PPME1: variants seen among roughly 807,000 people sequenced by gnomAD.
The protein encoded by PPME1 is protein phosphatase methylesterase 1.
PPME1 carries 17 observed loss-of-function variants against 56.9 expected under a neutral mutation model. That is an observed-to-expected ratio of 0.30 (90% CI 0.20 to 0.45). The LOEUF is 0.45. PPME1 is among the 20% of genes least tolerant of loss of function. The pLI is 1.00. For missense variants in PPME1, 357 were observed against 483.2 expected (o/e 0.74, Z 2.45); for synonymous variants, 122 against 156.2 (o/e 0.78, Z 1.63).
At chr11:74,188,854 A>G (rs571554832) in intron 1 of PPME1, among the ~76,000 whole-genome samples, 145 of 152,338 alleles carry the variant, frequency 9.5e-4, no homozygotes, top group Non-Finnish European at 1.6e-3. Context: ...TTAATACACC[A>G]TTAAGGTAAT....
intron 1 of PPME1, among the ~76,000 whole-genome samples, chr11:74,199,464 T>C (rs1280494473): frequency 6.6e-6 from 1 of 152,168 alleles, no homozygotes; most frequent in East Asian, 1.9e-4. Flanking sequence ...TTGAATGAAT[T>C]AATCCTTTTT....
At chr11:74,247,162 G>T (rs752263084) in intron 11 of PPME1, 39 bp downstream of exon 11, 20 of 1,550,516 alleles carry the variant, frequency 1.3e-5, no homozygotes, top group Non-Finnish European at 2.7e-6. Flanking sequence ...ACCCTTTTCT[G>T]AAGAAAGGGT....
At chr11:74,200,127 A>G (rs556782302) in intron 1 of PPME1, among the ~76,000 whole-genome samples, 412 of 152,338 alleles carry the variant, frequency 2.7e-3, no homozygotes, top group Non-Finnish European at 3.6e-3. Flanking sequence ...TCTAAAAATT[A>G]TAATTAAAAA....
At chr11:74,183,701 C>CA (rs1857598870) in intron 1 of PPME1, among the ~76,000 whole-genome samples, 3 of 151,902 alleles carry the variant, frequency 2.0e-5, no homozygotes, top group African/African-American at 7.3e-5. Flanking sequence ...AATTCTTTTT[C>CA]TTAGCTTTTC....
intron 7 of PPME1, among the ~76,000 whole-genome samples, chr11:74,232,257 C>T (rs947826592): frequency 2.6e-5 from 4 of 152,234 alleles, no homozygotes; most frequent in Non-Finnish European, 5.9e-5. Flanking sequence ...CTTCCTGCAT[C>T]ATAAGGGAAG....
chr11:74,200,790 T>G (rs1484224149), intron 1 of PPME1, among the ~76,000 whole-genome samples: 1 of 152,152 alleles, frequency 6.6e-6, no homozygotes, highest in East Asian at 1.9e-4. Context: ...TAAATGGGAA[T>G]TACTCATTTG....
At chr11:74,222,944 A>ATT (rs61147423) in intron 4 of PPME1, among the ~76,000 whole-genome samples, 2 of 149,436 alleles carry the variant, frequency 1.3e-5, no homozygotes, top group Admixed American at 6.7e-5. Context: ...TTTTTTTTTA[A>ATT]TTTTTTTTTA....
chr11:74,213,492 A>C (rs572346813), intron 3 of PPME1, among the ~76,000 whole-genome samples: 10 of 152,290 alleles, frequency 6.6e-5, no homozygotes, highest in Non-Finnish European at 1.5e-5. Context: ...GTGAACACAG[A>C]TAGCCAGGCA....
intron 3 of PPME1, among the ~76,000 whole-genome samples, chr11:74,219,222 A>T (rs1858733721): frequency 6.6e-6 from 1 of 152,150 alleles, no homozygotes; most frequent in African/African-American, 2.4e-5. Flanking sequence ...TTTATGCAAA[A>T]GACAGGCAAT....
At chr11:74,200,157 T>G (rs1352514017) in intron 1 of PPME1, among the ~76,000 whole-genome samples, 1 of 152,246 alleles carries the variant, frequency 6.6e-6, no homozygotes, top group Non-Finnish European at 1.5e-5. Flanking sequence ...CAAACTATAA[T>G]GACTATAAAG....
chr11:74,244,750 C>G (rs1859463011), intron 9 of PPME1, among the ~76,000 whole-genome samples: 1 of 152,156 alleles, frequency 6.6e-6, no homozygotes, highest in African/African-American at 2.4e-5. Flanking sequence ...CTTTTGTTCA[C>G]TGCTTTTTGG....
At chr11:74,249,350 C>G (rs1039283646) in intron 11 of PPME1, 1 of 152,156 alleles carries the variant, frequency 6.6e-6, no homozygotes, top group African/African-American at 2.4e-5. Context: ...GCTCTCTGAA[C>G]CTAAGGCTCC....
At chr11:74,179,466 G>GCCTGGGAGACAGAATGAGAC (rs1857477617) in intron 1 of PPME1, among the ~76,000 whole-genome samples, 1 of 152,158 alleles carries the variant, frequency 6.6e-6, no homozygotes, top group African/African-American at 2.4e-5. Context: ...CTGCACTCCA[G>GCCTGGGAGACAGAATGAGAC]CCTGGGAGAC....
At chr11:74,234,424 A>G (rs1859143204) in intron 7 of PPME1, among the ~76,000 whole-genome samples, 1 of 152,220 alleles carries the variant, frequency 6.6e-6, no homozygotes, top group African/African-American at 2.4e-5. Context: ...GGGATATTCC[A>G]CAATATTTAG....
At chr11:74,201,804 T>TC (rs1858176142) in intron 1 of PPME1, among the ~76,000 whole-genome samples, 1 of 152,192 alleles carries the variant, frequency 6.6e-6, no homozygotes, top group Admixed American at 6.5e-5. Flanking sequence ...CATCCATGGA[T>TC]CGTTAGAATC....
chr11:74,232,333 A>G (rs765901026), intron 7 of PPME1, among the ~76,000 whole-genome samples: 1 of 152,266 alleles, frequency 6.6e-6, no homozygotes, highest in Non-Finnish European at 1.5e-5. Flanking sequence ...CAGGCAGAAT[A>G]TATCTGTTAA....
chr11:74,192,804 A>G (rs1393354323), intron 1 of PPME1, among the ~76,000 whole-genome samples: 1 of 152,138 alleles, frequency 6.6e-6, no homozygotes, highest in Non-Finnish European at 1.5e-5. Flanking sequence ...ACCTTCCACC[A>G]TGATTATAAG....
At chr11:74,244,514 A>C (rs1372144221) in intron 9 of PPME1, among the ~76,000 whole-genome samples, 1 of 152,116 alleles carries the variant, frequency 6.6e-6, no homozygotes, top group Non-Finnish European at 1.5e-5. Context: ...TTTATTGATT[A>C]GTGATGTTAA....
rs79056724 is a variant in PPME1, at chr11:74,220,573, A to C, written c.289-1739A>C. On this transcript the variant is annotated intron_variant, in intron 3 of 13. Transcript: ENST00000328257. ...TATTTAGCCTTGGGCAAGTTACTTA[A>C]TCTCTCTGTAAAATGCCCTTATCTG... Among the ~76,000 whole-genome samples the C allele has an allele frequency of 3.9e-3, 599 of 152,308 alleles. 5 individuals are homozygous for C. The highest frequency in any genetic ancestry group is 0.014 in the African/African-American group (570 of 41,586).
Sources: allele counts gnomAD v4.1 joint callset (sites outside exome capture counted in the v4.1 genomes callset), GRCh38; gene constraint gnomAD v4.1.1; transcripts MANE v1.5; gene names NCBI Gene and HGNC (gene_info 2026-07-23, HGNC 2026-07-21).